The following TRIP4 variants were observed in gnomAD, a reference collection of about 807,000 sequenced individuals.
The protein encoded by TRIP4 is activating signal cointegrator 1.
A neutral mutation model predicts 81.8 loss-of-function variants in TRIP4; 54 were observed. The ratio of observed to expected loss-of-function variants is 0.66; its 90% CI spans 0.53 to 0.83. The LOEUF (loss-of-function observed/expected upper bound fraction) is 0.83, where lower values mean the gene tolerates loss of function less well. TRIP4 is among the 40% of genes least tolerant of loss of function. The pLI, the probability that TRIP4 is intolerant of heterozygous loss-of-function variation, is 0.00. For synonymous variants in TRIP4, 270 were observed against 242.8 expected (o/e 1.11, Z -1.04); for missense variants, 662 against 683.6 (o/e 0.97, Z 0.35).
At chr15:64,440,203 G>A (rs890568500) in intron 11 of TRIP4, among the ~76,000 whole-genome samples, 5 of 151,754 alleles carry the variant, frequency 3.3e-5, no homozygotes, top group Non-Finnish European at 7.4e-5. Flanking sequence ...ACTGCACTCC[G>A]GCCTGGGTCA....
intron 8 of TRIP4, 138 bp downstream of exon 8, chr15:64,414,349 C>T (rs1389044809): frequency 2.6e-6 from 3 of 1,137,372 alleles, no homozygotes; most frequent in Admixed American, 2.5e-5. Context: ...TCTCAACACA[C>T]CTGCCAACCT....
intron 11 of TRIP4, among the ~76,000 whole-genome samples, chr15:64,426,966 C>T (rs1892164018): frequency 6.6e-6 from 1 of 152,006 alleles, no homozygotes; most frequent in South Asian, 2.1e-4. Context: ...TGCCACTGCG[C>T]TCCAGCCTGG....
rs184748124 is a variant in TRIP4 at position 64,448,773 on chromosome 15, A to G, written c.1678+3665A>G. Among the ~76,000 whole-genome samples the G allele has an allele frequency of 3.6e-3, 555 of 152,286 alleles. 4 individuals carry two copies. The highest frequency in any genetic ancestry group is 3.8e-3 in the Non-Finnish European group (258 of 68,008). ...ACTCTCTTGCCTTAGGTCCTAGGGG[A>G]TAACCTCCAGTAGTTTAAGCTGGAA... On this transcript the variant is annotated intron_variant, in intron 12 of 12. Transcript: ENST00000261884.
chr15:64,445,667 CAAA>C (rs34704960), intron 12 of TRIP4, among the ~76,000 whole-genome samples: 1 of 77,962 alleles, frequency 1.3e-5, no homozygotes, highest in Non-Finnish European at 2.2e-5. Context: ...CACTCAGTCT[CAAA>C]AAAAAAAAAA....
rs200754733 is a variant in TRIP4 at position 64,402,748 on chromosome 15, A to ACTC, written c.697+1930_697+1932dup. Among the ~76,000 whole-genome samples the ACTC allele has an allele frequency of 8.3e-3, 1,245 of 149,570 alleles. 16 individuals carry two copies. The highest frequency in any genetic ancestry group is 0.03 in the African/African-American group (1,195 of 40,418). ...CCCATGTTGACTAGGCTGGTCTCGA[A>ACTC]CTCCTGACCTCAGATGATCTGCCCA... On this transcript the variant is annotated intron_variant, in intron 5 of 12. Transcript: ENST00000261884.
At chr15:64,448,257 T>C (rs1049322199) in intron 12 of TRIP4, among the ~76,000 whole-genome samples, 22 of 152,316 alleles carry the variant, frequency 1.4e-4, no homozygotes, top group Middle Eastern at 3.4e-3. Flanking sequence ...GTGTAGAGTT[T>C]AGCTATTTCT....
chr15:64,410,024 GT>G (rs200868565), intron 7 of TRIP4, among the ~76,000 whole-genome samples, 196 bp downstream of exon 7: 110 of 133,866 alleles, frequency 8.2e-4, no homozygotes, highest in African/African-American at 1.3e-3. Context: ...TTGTGGTTTG[GT>G]TTTTTTTTTT....
chr15:64,394,795 A>G (rs149712503), intron 2 of TRIP4, among the ~76,000 whole-genome samples: 7 of 152,304 alleles, frequency 4.6e-5, no homozygotes, highest in Non-Finnish European at 8.8e-5. Context: ...ATAGTACAAA[A>G]GATAAGCACC....
chr15:64,406,770 C>G (rs186643553), intron 6 of TRIP4, among the ~76,000 whole-genome samples: 3 of 152,306 alleles, frequency 2.0e-5, no homozygotes, highest in East Asian at 3.9e-4. Flanking sequence ...ATTCAGTCAC[C>G]TGTATTAGAG....
intron 11 of TRIP4, among the ~76,000 whole-genome samples, chr15:64,428,359 G>A (rs1892195214): frequency 6.6e-6 from 1 of 152,096 alleles, no homozygotes; most frequent in South Asian, 2.1e-4. Flanking sequence ...ATTTCTGAAG[G>A]ATACCTCTTT....
At chr15:64,452,619 T>C (rs1355428940) in intron 12 of TRIP4, among the ~76,000 whole-genome samples, 1 of 152,184 alleles carries the variant, frequency 6.6e-6, no homozygotes, top group Non-Finnish European at 1.5e-5. Flanking sequence ...AGTAAGGGCT[T>C]TTTCCTCCTT....
chr15:64,404,077 G>C (rs1891571114), intron 5 of TRIP4, among the ~76,000 whole-genome samples: 1 of 151,966 alleles, frequency 6.6e-6, no homozygotes, highest in South Asian at 2.1e-4. Context: ...TGTAATCCCA[G>C]CTACTCAGGA....
chr15:64,420,697 T>C (rs781482850), intron 9 of TRIP4, among the ~76,000 whole-genome samples: 9 of 151,868 alleles, frequency 5.9e-5, no homozygotes, highest in Non-Finnish European at 1.0e-4. Context: ...CTAATTTGTG[T>C]ATGTGTGTGT....
At chr15:64,393,592 A>G (rs1403124986) in intron 1 of TRIP4, 1 of 158,052 alleles carries the variant, frequency 6.3e-6, no homozygotes, top group Non-Finnish European at 1.4e-5. Context: ...CAACCCAGAA[A>G]TAAGCACTGT....
chr15:64,433,557 T>A (rs1892322535), intron 11 of TRIP4, among the ~76,000 whole-genome samples: 1 of 152,092 alleles, frequency 6.6e-6, no homozygotes, highest in Non-Finnish European at 1.5e-5. Context: ...TCAGCTGAGA[T>A]CGCACCATTG....
intron 12 of TRIP4, among the ~76,000 whole-genome samples, chr15:64,453,528 T>C (rs531613802): frequency 1.3e-5 from 2 of 152,330 alleles, no homozygotes; most frequent in South Asian, 2.1e-4. Context: ...GGCTGGCACA[T>C]GTTCAGGTTT....
intron 11 of TRIP4, among the ~76,000 whole-genome samples, chr15:64,426,515 C>CA (rs1472659947): frequency 6.6e-6 from 1 of 152,086 alleles, no homozygotes; most frequent in Non-Finnish European, 1.5e-5. Flanking sequence ...ACCTGGCCAA[C>CA]ATGGTGAAAC....
In TRIP4 at chr15:64,387,915, C is replaced by T; in HGVS notation, c.52C>T (p.Gln18Ter). 6.4e-7 allele frequency: 1 copy of T among 1,550,894 alleles called. No homozygotes were observed. The highest frequency in any genetic ancestry group is 8.7e-7 in the Non-Finnish European group (1 of 1,147,082). Residue 18 changes from glutamine to a stop codon, truncating the protein, a stop_gained, in exon 1 of 13, where the codon CAG (glutamine) becomes TAG (stop). Coordinates refer to ENST00000261884, the MANE Select transcript of TRIP4 (RefSeq NM_016213.5). LOFTEE classifies it high-confidence loss of function. ...GGAGCCGCTGGTGCACTGGTGCACC[C>T]AGCAGTTGCGGAAGACTTTCGGCCT... ...SGEPLVHWCTQQLRKTFGLDV... is the reference protein window; with the variant it reads ...SGEPLVHWCT
At chr15:64,399,695 T>C (rs897220815) in intron 4 of TRIP4, among the ~76,000 whole-genome samples, 4 of 151,758 alleles carry the variant, frequency 2.6e-5, no homozygotes, top group African/African-American at 4.8e-5. Context: ...AGAGACAGGG[T>C]TTCTCTATAT....
Sources: allele counts gnomAD v4.1 joint callset (sites outside exome capture counted in the v4.1 genomes callset), GRCh38; gene constraint gnomAD v4.1.1; transcripts MANE v1.5; gene names NCBI Gene and HGNC (gene_info 2026-07-23, HGNC 2026-07-21).